Variants in TMEM116 observed in about 807,000 individuals in gnomAD.
TMEM116 encodes the protein transmembrane protein 116.
TMEM116 carries 38 observed loss-of-function variants against 44.3 expected under a neutral mutation model. That is an observed-to-expected ratio of 0.86 (90% CI 0.66 to 1.12). TMEM116 has a LOEUF of 1.12. Ranked by LOEUF, TMEM116 falls within the 50% of genes most tolerant of loss-of-function variation. The pLI is 0.00. For missense variants in TMEM116, 354 were observed against 401.7 expected (o/e 0.88, Z 1.01); for synonymous variants, 132 against 144.8 (o/e 0.91, Z 0.64).
chr12:111,945,455 A>G (rs2073197086), intron 4 of TMEM116, among the ~76,000 whole-genome samples: 1 of 151,822 alleles, frequency 6.6e-6, no homozygotes, highest in Non-Finnish European at 1.5e-5. Context: ...CAGCCCTCAT[A>G]GCAGATACAT....
chr12:111,963,765 T>C (rs1406486332), intron 4 of TMEM116, among the ~76,000 whole-genome samples: 2 of 152,082 alleles, frequency 1.3e-5, no homozygotes, highest in African/African-American at 4.8e-5. Context: ...TGTATACCTA[T>C]GTAACAAACC....
At chr12:112,004,782 T>C (rs28525994) in intron 2 of TMEM116, among the ~76,000 whole-genome samples, 21,592 of 151,920 alleles carry the variant, frequency 0.14, 1,923 homozygotes, top group African/African-American at 0.25. Flanking sequence ...GTCCAGCTAT[T>C]TTTATGGGGT....
rs370040938 is a variant in TMEM116 at position 111,958,846 on chromosome 12, C to T, written c.211-15477G>A. Among the ~76,000 whole-genome samples, 295 of 152,086 alleles carry T rather than the reference C, an allele frequency of 1.9e-3. 3 individuals carry two copies. The highest frequency in any genetic ancestry group is 1.9e-3 in the Non-Finnish European group (128 of 67,988). On this transcript the variant is annotated intron_variant, in intron 4 of 10. Transcript: ENST00000552374. ...AAAGCCTCCAAGAAATATGGGACTACGTGAAAAGACCAAATCTACGTTTGA... is the reference window on the plus strand; with the variant it reads ...AAAGCCTCCAAGAAATATGGGACTATGTGAAAAGACCAAATCTACGTTTGA...
chr12:111,981,404 G>A (rs1204632306), intron 4 of TMEM116, among the ~76,000 whole-genome samples: 1 of 152,142 alleles, frequency 6.6e-6, no homozygotes, highest in African/African-American at 2.4e-5. Flanking sequence ...ACAACTTTGG[G>A]GACAGCAGTC....
At chr12:111,988,750 G>T (rs1199568130) in intron 4 of TMEM116, among the ~76,000 whole-genome samples, 1 of 151,974 alleles carries the variant, frequency 6.6e-6, no homozygotes, top group African/African-American at 2.4e-5. Context: ...CCAGCACTTT[G>T]GGAGGCCGAG....
At chr12:111,970,365 T>C (rs959341342) in intron 4 of TMEM116, among the ~76,000 whole-genome samples, 4 of 151,812 alleles carry the variant, frequency 2.6e-5, no homozygotes, top group African/African-American at 9.7e-5. Context: ...CAAAGACTAT[T>C]GGTGAACTGT....
At chr12:111,945,044 C>T (rs542261741) in intron 4 of TMEM116, among the ~76,000 whole-genome samples, 1 of 145,526 alleles carries the variant, frequency 6.9e-6, no homozygotes, top group South Asian at 2.2e-4. Context: ...CACTGCACTC[C>T]AGCCTGGACG....
intron 4 of TMEM116, among the ~76,000 whole-genome samples, chr12:111,976,349 G>A (rs2075671339): frequency 6.6e-6 from 1 of 151,678 alleles, no homozygotes; most frequent in East Asian, 1.9e-4. Context: ...ATTAAATACA[G>A]CCCAGCTCCT....
chr12:112,001,280 T>C (rs955786150), intron 3 of TMEM116, among the ~76,000 whole-genome samples: 5 of 152,148 alleles, frequency 3.3e-5, no homozygotes, highest in South Asian at 2.1e-4. Flanking sequence ...CAAGAACAAT[T>C]TTGCCCCAAT....
At position 111,939,042 on chromosome 12, in the gene TMEM116, TG is replaced by T. The variant is rs2072431781; in HGVS notation, c.316-833del. 5.3e-5 allele frequency among the ~76,000 whole-genome samples: 8 copies of T among 152,262 alleles called. No homozygotes were observed. The South Asian group carries it at 1.4e-3, about 28-fold the overall frequency. ...TTGACTTTAGGAAAATAAATAAAAT[TG>T]TTTTTTGTGACCCCTCCCACTCACT... On this transcript the variant is annotated intron_variant, in intron 5 of 10. Coordinates refer to ENST00000552374, the MANE Select transcript of TMEM116 (RefSeq NM_001193531.2).
chr12:111,977,210 T>C (rs1234526033), intron 4 of TMEM116, among the ~76,000 whole-genome samples: 1 of 152,080 alleles, frequency 6.6e-6, no homozygotes, highest in Non-Finnish European at 1.5e-5. Flanking sequence ...GAGAAAAATC[T>C]AGAAAGAAAC....
chr12:111,994,331 T>G (rs898181609), intron 3 of TMEM116, among the ~76,000 whole-genome samples: 1 of 152,058 alleles, frequency 6.6e-6, no homozygotes, highest in Admixed American at 6.6e-5. Context: ...AGACTTATCG[T>G]GGGATCTGGC....
intron 5 of TMEM116, among the ~76,000 whole-genome samples, chr12:111,941,801 A>C (rs2072844768): frequency 6.6e-6 from 1 of 152,182 alleles, no homozygotes. Flanking sequence ...TCAAACATGA[A>C]CGTCTAGAAC....
chr12:112,005,366 T>G, intron 1 of TMEM116, 63 bp from the exon 2 acceptor site: 1 of 1,126,196 alleles, frequency 8.9e-7, no homozygotes, highest in Non-Finnish European at 1.1e-6. Context: ...CAACCTAAGT[T>G]CATTATTAAC....
chr12:111,955,579 C>T (rs1955769189), intron 4 of TMEM116, among the ~76,000 whole-genome samples: 2 of 152,158 alleles, frequency 1.3e-5, no homozygotes, highest in South Asian at 4.1e-4. Context: ...CAAATGTTAT[C>T]CTGGCATTGC....
chr12:111,977,611 C>T (rs982230003), intron 4 of TMEM116, among the ~76,000 whole-genome samples: 5 of 151,242 alleles, frequency 3.3e-5, no homozygotes, highest in Admixed American at 3.3e-4. Context: ...TTCGGATCTA[C>T]ATAAAGAAAA....
chr12:111,945,073 T>TAAAAAAAA (rs1231486290), intron 4 of TMEM116, among the ~76,000 whole-genome samples: 1 of 56,642 alleles, frequency 1.8e-5, no homozygotes, highest in African/African-American at 6.8e-5. Flanking sequence ...AGACTCCATC[T>TAAAAAAAA]AAAAAAAAAA....
chr12:112,005,300 GA>G lies in TMEM116; in HGVS notation c.-31del. On this transcript the variant is annotated splice_region_variant and 5_prime_UTR_variant, in exon 2 of 11. Transcript: ENST00000552374. ...AATTGTATCCACTGTATTGCAGGAA[GA>G]ACCTAAGCAAAACAAGGAAAACGGA... 1.5e-6 allele frequency: 2 copies of G among 1,302,110 alleles called. No individual in the cohort carries two copies. The highest frequency in any genetic ancestry group is 6.3e-5 in the East Asian group (2 of 31,990). The allele number at this position is 1,302,110 out of a possible 1,614,324, so 80.7% of individuals were successfully genotyped here. A position where few individuals can be genotyped will look rare whatever the true frequency, so the allele number is the denominator to read the frequency against.
intron 4 of TMEM116, among the ~76,000 whole-genome samples, chr12:111,954,071 T>C (rs1052978025): frequency 1.3e-4 from 20 of 150,098 alleles, no homozygotes; most frequent in African/African-American, 4.4e-4. Context: ...CCAATAAAGC[T>C]GAAAAAATCT....
Sources: gnomAD v4.1 joint callset for allele counts (sites outside exome capture counted in the v4.1 genomes callset) on GRCh38, gnomAD v4.1.1 for gene constraint, MANE v1.5 for transcripts, NCBI Gene and HGNC (gene_info 2026-07-23, HGNC 2026-07-21) for gene names.